LHFPL2: variants seen among roughly 807,000 people sequenced by gnomAD.
LHFPL2 encodes LHFPL tetraspan subfamily member 2 protein.
A neutral mutation model predicts 17.5 loss-of-function variants in LHFPL2; 7 were observed. The ratio of observed to expected loss-of-function variants is 0.40; its 90% confidence interval spans 0.23 to 0.75. The LOEUF (loss-of-function observed/expected upper bound fraction) is 0.75. Among genes scored for constraint, LHFPL2 ranks in the 30% least tolerant of loss-of-function variants. The pLI is 0.37. For synonymous variants in LHFPL2, 134 were observed against 116.2 expected (o/e 1.15, Z -0.99); for missense variants, 241 against 294.8 (o/e 0.82, Z 1.34).
chr5:78,589,219 C>G (rs1743538559), intron 2 of LHFPL2, among the ~76,000 whole-genome samples: 1 of 152,024 alleles, frequency 6.6e-6, no homozygotes, highest in Non-Finnish European at 1.5e-5. Context: ...GCCTGTAATC[C>G]CAGCACTTTG....
chr5:78,546,158 C>G (rs927908716), intron 3 of LHFPL2, among the ~76,000 whole-genome samples: 3 of 152,194 alleles, frequency 2.0e-5, no homozygotes, highest in Non-Finnish European at 4.4e-5. Context: ...GTAGTTTTTG[C>G]ACACATTGTT....
chr5:78,530,264 G>A (rs1317642074), intron 3 of LHFPL2, among the ~76,000 whole-genome samples: 1 of 152,132 alleles, frequency 6.6e-6, no homozygotes, highest in African/African-American at 2.4e-5. Flanking sequence ...TCTAACCCAT[G>A]TCTCTAATAA....
rs143308482 is a variant in LHFPL2 at position 78,541,232 on chromosome 5, C to T, written c.-186+23581G>A. On this transcript the variant is annotated intron_variant, in intron 3 of 4. Coordinates refer to ENST00000380345, the MANE Select transcript of LHFPL2 (RefSeq NM_005779.3). ...AAGTCTAAGAAGACCTCCACTAGCC[C>T]GAGTGAAGCTGGGGGAGGTAAGACA... is the stretch of plus-strand genomic sequence containing the variant. Among the ~76,000 whole-genome samples the T allele has an allele frequency of 3.4e-3, 517 of 152,108 alleles. 17 individuals carry two copies. The East Asian group carries it at 0.082, about 24-fold the overall frequency.
At chr5:78,607,360 C>G (rs1220671424) in intron 2 of LHFPL2, among the ~76,000 whole-genome samples, 5 of 151,688 alleles carry the variant, frequency 3.3e-5, no homozygotes, top group African/African-American at 9.7e-5. Flanking sequence ...TGATCCACCC[C>G]CTTCGGCCTC....
At chr5:78,591,125 A>G (rs980584760) in intron 2 of LHFPL2, among the ~76,000 whole-genome samples, 1 of 152,210 alleles carries the variant, frequency 6.6e-6, no homozygotes, top group Non-Finnish European at 1.5e-5. Context: ...AAATCTCCTC[A>G]GGCTTAGTCC....
At chr5:78,494,597 C>A (rs192356226) in intron 4 of LHFPL2, 1 of 785,092 alleles carries the variant, frequency 1.3e-6, no homozygotes, top group South Asian at 5.8e-5. Flanking sequence ...CAGGTGCCAC[C>A]TCCAGCTGGA....
intron 2 of LHFPL2, among the ~76,000 whole-genome samples, chr5:78,599,150 A>G (rs1743921228): frequency 6.6e-6 from 1 of 152,016 alleles, no homozygotes; most frequent in Admixed American, 6.6e-5. Flanking sequence ...GTTTTATCAC[A>G]CTGCGTCATT....
intron 3 of LHFPL2, among the ~76,000 whole-genome samples, chr5:78,540,298 T>A (rs1756072399): frequency 6.6e-6 from 1 of 152,216 alleles, no homozygotes; most frequent in Non-Finnish European, 1.5e-5. Context: ...TGTTTGTTTG[T>A]TTCCTTAAAA....
At chr5:78,636,415 C>G (rs983667780) in intron 1 of LHFPL2, among the ~76,000 whole-genome samples, 1 of 152,208 alleles carries the variant, frequency 6.6e-6, no homozygotes, top group African/African-American at 2.4e-5. Flanking sequence ...CTGATCCCCC[C>G]ACACTGACCA....
intron 2 of LHFPL2, among the ~76,000 whole-genome samples, chr5:78,567,648 A>G (rs1756892862): frequency 6.6e-6 from 1 of 152,198 alleles, no homozygotes; most frequent in Non-Finnish European, 1.5e-5. Flanking sequence ...TGAGGTAGCT[A>G]CCAGTATTAT....
intron 3 of LHFPL2, among the ~76,000 whole-genome samples, chr5:78,555,998 G>T (rs1400165253): frequency 6.6e-6 from 1 of 152,160 alleles, no homozygotes; most frequent in African/African-American, 2.4e-5. Context: ...AGGCAGAGTG[G>T]AATCAAAAGT....
intron 3 of LHFPL2, among the ~76,000 whole-genome samples, chr5:78,523,855 C>T (rs955372608): frequency 6.6e-5 from 10 of 152,200 alleles, no homozygotes; most frequent in African/African-American, 1.9e-4. Context: ...TCTGAGGAGT[C>T]ATTACAATAA....
At chr5:78,616,112 TTTG>T (rs939754176) in intron 2 of LHFPL2, among the ~76,000 whole-genome samples, 182 of 114,686 alleles carry the variant, frequency 1.6e-3, no homozygotes, top group African/African-American at 5.8e-3. Context: ...TTCCCAGGTT[TTTG>T]TTGTTGTTGT....
At chr5:78,553,159 C>T (rs1420396029) in intron 3 of LHFPL2, among the ~76,000 whole-genome samples, 1 of 152,166 alleles carries the variant, frequency 6.6e-6, no homozygotes, top group East Asian at 1.9e-4. Context: ...ACAACTTCGC[C>T]ACCTCATATA....
At chr5:78,527,866 A>G (rs1755665834) in intron 3 of LHFPL2, among the ~76,000 whole-genome samples, 1 of 152,184 alleles carries the variant, frequency 6.6e-6, no homozygotes, top group South Asian at 2.1e-4. Context: ...GGATAAGAAC[A>G]TGAAGTCAGC....
At chr5:78,604,599 C>T (rs1286401080) in intron 2 of LHFPL2, among the ~76,000 whole-genome samples, 3 of 152,152 alleles carry the variant, frequency 2.0e-5, no homozygotes, top group Non-Finnish European at 4.4e-5. Flanking sequence ...ATGAAAAGTT[C>T]AAACAGAGAA....
chr5:78,563,355 AAATT>A (rs1756778795), intron 3 of LHFPL2, among the ~76,000 whole-genome samples: 1 of 152,226 alleles, frequency 6.6e-6, no homozygotes, highest in Non-Finnish European at 1.5e-5. Context: ...TATTAATAGA[AAATT>A]AATTTCTCCC....
intron 2 of LHFPL2, among the ~76,000 whole-genome samples, chr5:78,609,528 C>T (rs1744344980): frequency 6.9e-6 from 1 of 144,776 alleles, no homozygotes; most frequent in South Asian, 2.3e-4. Flanking sequence ...ATGGAATATT[C>T]TTCAGATATT....
intron 1 of LHFPL2, among the ~76,000 whole-genome samples, chr5:78,636,905 G>A (rs1196150682): frequency 1.3e-5 from 2 of 151,954 alleles, no homozygotes; most frequent in East Asian, 3.8e-4. Context: ...AAAAAGTGAA[G>A]TGGATCCAAT....
Sources: allele counts gnomAD v4.1 joint callset (sites outside exome capture counted in the v4.1 genomes callset), GRCh38; gene constraint gnomAD v4.1.1; transcripts MANE v1.5; gene names NCBI Gene and HGNC (gene_info 2026-07-23, HGNC 2026-07-21).